ZNF638: variants seen among roughly 807,000 people sequenced by gnomAD.
ZNF638 encodes the protein zinc finger protein 638, also known as CTCL tumor antigen se33-1.
ZNF638 carries 46 observed loss-of-function variants against 195.6 expected under a neutral mutation model. The observed-to-expected ratio is 0.24, with a 90% CI of 0.19 to 0.30. ZNF638 has a LOEUF of 0.30. Ranked by LOEUF, ZNF638 falls within the 10% of genes least tolerant of loss-of-function variation. ZNF638 has a pLI of 1.00. For missense variants in ZNF638, 2,440 were observed against 2,325.3 expected (o/e 1.05, Z -1.01); for synonymous variants, 845 against 772.0 (o/e 1.09, Z -1.57).
At chr2:71,336,799 A>G (rs1292006324) in intron 1 of ZNF638, among the ~76,000 whole-genome samples, 2 of 152,210 alleles carry the variant, frequency 1.3e-5, no homozygotes, top group African/African-American at 4.8e-5. Context: ...AAGCAGCAGG[A>G]CCAGAGTTAA....
chr2:71,418,586 G>A lies in ZNF638; in HGVS notation c.3262-16G>A, dbSNP rs2080354310. 4.6e-6 allele frequency: 7 copies of A among 1,524,522 alleles called. No individual in the cohort carries two copies. The highest frequency in any genetic ancestry group is 6.2e-6 in the Non-Finnish European group (7 of 1,134,418). The allele number at this position is 1,524,522 out of a possible 1,614,324, so 94.4% of individuals were successfully genotyped here. On this transcript the variant is annotated splice_polypyrimidine_tract_variant and intron_variant, in intron 20 of 27. Coordinates refer to ENST00000264447, the MANE Select transcript of ZNF638 (RefSeq NM_014497.5). ...CCAGTGGAATAGCCTCTAATAAAAT[G>A]CTGATTATATTACAGGTGCAAATTG...
chr2:71,340,996 G>T (rs1435676768), intron 1 of ZNF638, among the ~76,000 whole-genome samples: 7 of 152,166 alleles, frequency 4.6e-5, no homozygotes, highest in Admixed American at 4.6e-4. Context: ...CTGATGGATT[G>T]ATTTTTGATG....
intron 1 of ZNF638, 159 bp from the exon 2 acceptor site, chr2:71,348,594 T>C: frequency 8.3e-7 from 1 of 1,200,704 alleles, no homozygotes; most frequent in African/African-American, 1.6e-5. Context: ...AGAGAAAGTT[T>C]TTGGGAAATT....
chr2:71,350,361 C>A lies in ZNF638; in HGVS notation c.1317+90C>A. On this transcript the variant is annotated intron_variant, in intron 2 of 27. Transcript: ENST00000264447. ...ATATGTATGCTGCTTGTTAACTAGG[C>A]GTTAAGGAAATGGCAGAAGGTAATT... is the stretch of plus-strand genomic sequence containing the variant. 5.4e-6 allele frequency: 7 copies of A among 1,300,624 alleles called. No homozygotes were observed. The South Asian group carries it at 5.7e-5, about 11-fold the overall frequency. 80.6% of individuals were successfully genotyped at this position (1,300,624 alleles called of 1,614,324 possible).
At chr2:71,410,511 C>T (rs1396440205) in intron 20 of ZNF638, among the ~76,000 whole-genome samples, 1 of 151,978 alleles carries the variant, frequency 6.6e-6, no homozygotes, top group Non-Finnish European at 1.5e-5. Flanking sequence ...GTGCTTGGCC[C>T]TAAACTAATA....
intron 8 of ZNF638, among the ~76,000 whole-genome samples, chr2:71,376,957 C>G (rs1201813768): frequency 6.6e-6 from 1 of 152,152 alleles, no homozygotes. Flanking sequence ...GGGCCATATT[C>G]TCATACTTCG....
chr2:71,411,485 T>TA (rs1487520711), intron 20 of ZNF638, among the ~76,000 whole-genome samples: 6 of 144,376 alleles, frequency 4.2e-5, no homozygotes, highest in South Asian at 2.2e-4. Context: ...TTTTTTTTTT[T>TA]TTATTATACT....
chr2:71,361,233 A>G (rs2542507), intron 3 of ZNF638, among the ~76,000 whole-genome samples: 14,770 of 152,242 alleles, frequency 0.097, 790 homozygotes, highest in Non-Finnish European at 0.12. Context: ...GATTACAGGC[A>G]TGAGCCACCA....
chr2:71,425,026 GA>G (rs1264760494), intron 23 of ZNF638, among the ~76,000 whole-genome samples: 1 of 151,900 alleles, frequency 6.6e-6, no homozygotes, highest in Non-Finnish European at 1.5e-5. Flanking sequence ...TGTAGACACA[GA>G]AAAAAAATTT....
At chr2:71,343,604 A>C (rs2078800782) in intron 1 of ZNF638, among the ~76,000 whole-genome samples, 1 of 152,232 alleles carries the variant, frequency 6.6e-6, no homozygotes, top group African/African-American at 2.4e-5. Context: ...GCTAAAAATT[A>C]AATGGAATAG....
At chr2:71,420,397 C>G (rs916734840) in intron 21 of ZNF638, among the ~76,000 whole-genome samples, 3 of 152,126 alleles carry the variant, frequency 2.0e-5, no homozygotes, top group Non-Finnish European at 4.4e-5. Context: ...ATTAAAGCCA[C>G]AAATAAGAAT....
intron 3 of ZNF638, among the ~76,000 whole-genome samples, chr2:71,361,939 G>A (rs568345023): frequency 3.9e-5 from 6 of 152,322 alleles, no homozygotes; most frequent in African/African-American, 1.4e-4. Context: ...AATAAGGTTC[G>A]ACCTAACGTT....
At chr2:71,426,307 T>A (rs1558886273) in intron 23 of ZNF638, among the ~76,000 whole-genome samples, 153 bp from the exon 24 acceptor site, 1 of 151,980 alleles carries the variant, frequency 6.6e-6, no homozygotes, top group African/African-American at 2.4e-5. Flanking sequence ...TGTGGGGCTT[T>A]AAAAAAAACA....
rs938236948 is a variant in ZNF638 at position 71,396,131 on chromosome 2, G to A, written c.2378-10G>A. 3 of 1,611,424 alleles carry A rather than the reference G, an allele frequency of 1.9e-6. No homozygotes were observed. The highest frequency in any genetic ancestry group is 2.5e-6 in the Non-Finnish European group (3 of 1,179,122). ...AATGTAGTACTTAAATGTTTTTCTTGTTGTTTTAGCCAAAACTGGACAAGC... is the reference window on the plus strand; with the variant it reads ...AATGTAGTACTTAAATGTTTTTCTTATTGTTTTAGCCAAAACTGGACAAGC... On this transcript the variant is annotated splice_polypyrimidine_tract_variant and intron_variant, in intron 10 of 27. Coordinates refer to ENST00000264447, the MANE Select transcript of ZNF638 (RefSeq NM_014497.5).
intron 6 of ZNF638, among the ~76,000 whole-genome samples, chr2:71,367,892 A>G (rs2079232825): frequency 6.6e-6 from 1 of 152,168 alleles, no homozygotes; most frequent in South Asian, 2.1e-4. Flanking sequence ...GTAAGCGGTA[A>G]AGTTGATACT....
At chr2:71,433,909 A>G (rs2080715754) in intron 27 of ZNF638, among the ~76,000 whole-genome samples, 1 of 152,336 alleles carries the variant, frequency 6.6e-6, no homozygotes, top group South Asian at 2.1e-4. Flanking sequence ...AGATGAGAAA[A>G]TAGACTTAAG....
At chr2:71,376,310 A>G (rs2079422982) in intron 8 of ZNF638, 1 of 152,228 alleles carries the variant, frequency 6.6e-6, no homozygotes, top group Non-Finnish European at 1.5e-5. Context: ...ACAGAGCAAC[A>G]TGCCTAGGGA....
chr2:71,362,511 A>G (rs2079126864), intron 3 of ZNF638, among the ~76,000 whole-genome samples: 1 of 152,182 alleles, frequency 6.6e-6, no homozygotes, highest in African/African-American at 2.4e-5. Flanking sequence ...ACCTGAAACA[A>G]CAGACAGCCT....
rs1394321136 is a variant in ZNF638, at chr2:71,399,490, C to T, written c.2501-69C>T. On this transcript the variant is annotated intron_variant, in intron 12 of 27. Coordinates refer to ENST00000264447, the MANE Select transcript of ZNF638 (RefSeq NM_014497.5). ...ATAAAGTCAAACTAATTTACTAATA[C>T]ATTAGTGTGAAACATGCTAAATGAT... 14 of 1,040,652 alleles carry T rather than the reference C, an allele frequency of 1.3e-5. No individual in the cohort carries two copies. The Admixed American group carries it at 2.9e-4, about 21-fold the overall frequency. The allele number at this position is 1,040,652 out of a possible 1,614,324, so 64.5% of individuals were successfully genotyped here. A position where few individuals can be genotyped will look rare whatever the true frequency, so the allele number is the denominator to read the frequency against.
Sources: allele counts gnomAD v4.1 joint callset (sites outside exome capture counted in the v4.1 genomes callset), GRCh38; gene constraint gnomAD v4.1.1; transcripts MANE v1.5; gene names NCBI Gene and HGNC (gene_info 2026-07-23, HGNC 2026-07-21).